Variants in EIF3J observed in about 807,000 individuals in gnomAD.
The protein encoded by EIF3J is eukaryotic translation initiation factor 3 subunit J.
A neutral mutation model predicts 39.0 loss-of-function variants in EIF3J; 15 were observed. That is an observed-to-expected ratio of 0.38 (90% CI 0.26 to 0.59). EIF3J has a LOEUF of 0.59. Among genes scored for constraint, EIF3J ranks in the 20% least tolerant of loss-of-function variants. The probability of loss-of-function intolerance (pLI) is 0.60; values close to 1 mark genes in which losing one functional copy is unlikely to be tolerated. For synonymous variants in EIF3J, 98 were observed against 112.9 expected, an observed-to-expected ratio of 0.87 and a Z score of 0.84; for missense variants, 226 against 308.6, an observed-to-expected ratio of 0.73 and a Z score of 2.00.
intron 2 of EIF3J, among the ~76,000 whole-genome samples, chr15:44,544,192 C>T (rs1393272864): frequency 6.7e-6 from 1 of 149,130 alleles, no homozygotes; most frequent in Non-Finnish European, 1.5e-5. Flanking sequence ...CTCCCGGGTT[C>T]AAAGTGATTC....
chr15:44,537,713 A>C (rs2081971795), intron 2 of EIF3J, among the ~76,000 whole-genome samples: 1 of 152,218 alleles, frequency 6.6e-6, no homozygotes, highest in African/African-American at 2.4e-5. Context: ...GCCCACGTGC[A>C]AGCTTCGCGG....
At chr15:44,555,310 G>A (rs2082135357) in intron 5 of EIF3J, among the ~76,000 whole-genome samples, 1 of 152,178 alleles carries the variant, frequency 6.6e-6, no homozygotes, top group Non-Finnish European at 1.5e-5. Flanking sequence ...TACCTGTTGA[G>A]TACTTTTCAG....
Position 44,560,286 on chromosome 15 carries a change from G to A in EIF3J, c.609G>A (p.Leu203=). 1 of 1,610,440 alleles carries A rather than the reference G, an allele frequency of 6.2e-7. No homozygotes were observed. Among genetic ancestry groups the A allele is most frequent in the Non-Finnish European group, 8.5e-7 (1 of 1,179,004 alleles). ...IDDLKKITNS[L]TVLCSEKQKQ... ...ACTTGAAAAAAATTACCAATTCACT[G>A]ACTGTGCTTTGCAGTGAAAAACAGA... is the stretch of plus-strand genomic sequence containing the variant. Residue 203 remains leucine (L), a synonymous_variant, in exon 7 of 8, where the codon CTG becomes CTA. Coordinates refer to ENST00000261868, the MANE Select transcript of EIF3J (RefSeq NM_003758.4).
intron 5 of EIF3J, among the ~76,000 whole-genome samples, chr15:44,557,173 A>G (rs1423558330): frequency 6.6e-6 from 1 of 152,148 alleles, no homozygotes. Flanking sequence ...AGATATCTGT[A>G]ATGGCAGGAG....
chr15:44,541,580 T>C (rs1304502606), intron 2 of EIF3J, among the ~76,000 whole-genome samples: 2 of 152,208 alleles, frequency 1.3e-5, no homozygotes, highest in East Asian at 3.8e-4. Flanking sequence ...ATTCACTCTC[T>C]GTTAGGATCC....
At chr15:44,537,302 C>T (rs2081966618) in intron 1 of EIF3J, 22 bp from the exon 2 acceptor site, 2 of 1,561,672 alleles carry the variant, frequency 1.3e-6, no homozygotes, top group South Asian at 2.3e-5. Context: ...CAGGCACTAA[C>T]ACGGCTCGCT....
In EIF3J at chr15:44,549,441, T is replaced by C. The variant is rs80035271; in HGVS notation, c.148-1435T>C. Among the ~76,000 whole-genome samples the C allele has an allele frequency of 0.018, 2,671 of 151,720 alleles. 220 individuals carry two copies. In the East Asian group the frequency reaches 0.23, roughly 13 times the overall value. ...ACAACAAAAAAACAAGAAAAGACTT[T>C]CTAATTGACTTGAAATCCATCCAGA... On this transcript the variant is annotated intron_variant, in intron 2 of 7. Transcript: ENST00000261868.
At position 44,561,295 on chromosome 15, in the gene EIF3J, G is replaced by C. The variant is rs938744032; in HGVS notation, c.*146G>C. ...TGGTTATTTAACCCCTTGACACTTA[G>C]GTGCTAATGTGCAAATGAGGGAACT... On this transcript the variant is annotated 3_prime_UTR_variant, in exon 8 of 8. Transcript: ENST00000261868. The C allele has an allele frequency of 3.2e-6, 3 of 940,742 alleles. No individual in the cohort carries two copies. Among genetic ancestry groups the C allele is most frequent in the East Asian group, 5.4e-5 (2 of 37,270 alleles). 58.3% of individuals were successfully genotyped at this position (940,742 alleles called of 1,614,324 possible). A position where few individuals can be genotyped will look rare whatever the true frequency, so the allele number is the denominator to read the frequency against.
intron 4 of EIF3J, 102 bp downstream of exon 4, chr15:44,551,624 C>A: frequency 2.3e-6 from 2 of 865,072 alleles, no homozygotes; most frequent in Non-Finnish European, 3.5e-6. Flanking sequence ...TCTGTGAAGA[C>A]TGTAAATGGA....
intron 2 of EIF3J, among the ~76,000 whole-genome samples, chr15:44,539,026 C>CTTTT (rs942051829): frequency 7.3e-6 from 1 of 136,294 alleles, no homozygotes; most frequent in Non-Finnish European, 1.6e-5. Flanking sequence ...GAATATAATT[C>CTTTT]TTTTTTTTTT....
intron 2 of EIF3J, among the ~76,000 whole-genome samples, chr15:44,538,170 TTTG>T (rs534256663): frequency 7.2e-5 from 11 of 152,248 alleles, no homozygotes; most frequent in Admixed American, 5.2e-4. Context: ...CCCGTGGTTT[TTTG>T]TTGTTGTTGT....
intron 4 of EIF3J, 140 bp from the exon 5 acceptor site, chr15:44,554,411 TAG>T: frequency 2.5e-6 from 1 of 395,228 alleles, no homozygotes; most frequent in Non-Finnish European, 4.5e-6. Context: ...CTAAAGTGTT[TAG>T]AAGAATGCCT....
chr15:44,554,832 G>T (rs2082131674), intron 5 of EIF3J, among the ~76,000 whole-genome samples, 165 bp downstream of exon 5: 1 of 152,196 alleles, frequency 6.6e-6, no homozygotes, highest in African/African-American at 2.4e-5. Flanking sequence ...TACATGTTCA[G>T]ATTTTTGAAT....
chr15:44,550,140 A>T (rs959183218), intron 2 of EIF3J, among the ~76,000 whole-genome samples: 4 of 152,180 alleles, frequency 2.6e-5, no homozygotes, highest in Non-Finnish European at 5.9e-5. Context: ...GGGCCTAAGG[A>T]TTGGTAGAGA....
chr15:44,551,455 A>C lies in EIF3J; in HGVS notation c.227A>C (p.Lys76Thr). Residue 76 changes from lysine (K) to threonine (T), a missense_variant, in exon 4 of 8, where the codon AAA becomes ACA. Physicochemically the swap from Lys to Thr is moderately conservative, Grantham distance 78. Coordinates refer to ENST00000261868, the MANE Select transcript of EIF3J (RefSeq NM_003758.4). Reference sequence around the variant, plus strand: ...GAGGTAAAAATTTCAGAAAAGAAAAAAATAGCAGAGAAGATAAAAGAGAAA... The same window carrying C: ...GAGGTAAAAATTTCAGAAAAGAAAACAATAGCAGAGAAGATAAAAGAGAAA... Reference protein sequence around the residue: ...KPEVKISEKKKIAEKIKEKER... With the variant: ...KPEVKISEKKTIAEKIKEKER... 6.3e-7 allele frequency: 1 copy of C among 1,586,654 alleles called. No homozygotes were observed. Among genetic ancestry groups the C allele is most frequent in the Non-Finnish European group, 8.5e-7 (1 of 1,171,282 alleles).
intron 6 of EIF3J, chr15:44,557,945 T>C (rs1033802679): frequency 2.8e-5 from 5 of 179,518 alleles, no homozygotes; most frequent in African/African-American, 1.2e-4. Context: ...TTTTATCTGA[T>C]TATCACTTGA....
chr15:44,541,021 G>A (rs535735207), intron 2 of EIF3J, among the ~76,000 whole-genome samples: 1 of 152,296 alleles, frequency 6.6e-6, no homozygotes, highest in East Asian at 1.9e-4. Context: ...GTGGACTTAG[G>A]TGAAACTGTA....
In EIF3J at chr15:44,560,277, C is replaced by T; in HGVS notation, c.600C>T (p.Thr200=). The T allele has an allele frequency of 1.2e-6, 2 of 1,603,776 alleles. No homozygotes were observed. Among genetic ancestry groups the T allele is most frequent in the Non-Finnish European group, 8.5e-7 (1 of 1,176,426 alleles). Residue 200 remains threonine (T), a synonymous_variant, in exon 7 of 8, where the codon ACC becomes ACT. Coordinates refer to ENST00000261868, the MANE Select transcript of EIF3J (RefSeq NM_003758.4). ...SLEIDDLKKI[T]NSLTVLCSEK... is the part of the protein sequence containing the mutation. ...AAATTGATGACTTGAAAAAAATTAC[C>T]AATTCACTGACTGTGCTTTGCAGTG...
intron 3 of EIF3J, 41 bp downstream of exon 3, chr15:44,550,971 G>C (rs1313312005): frequency 6.3e-7 from 1 of 1,590,808 alleles, no homozygotes; most frequent in South Asian, 1.2e-5. Flanking sequence ...TTTATGTCTT[G>C]CTGAGCATTT....
Sources: allele counts gnomAD v4.1 joint callset (sites outside exome capture counted in the v4.1 genomes callset), GRCh38; gene constraint gnomAD v4.1.1; transcripts MANE v1.5; gene names NCBI Gene and HGNC (gene_info 2026-07-23, HGNC 2026-07-21).